Variants in WWOX observed in about 807,000 individuals in gnomAD.
The protein encoded by WWOX is WW domain-containing oxidoreductase.
Under a neutral mutation model 46.2 loss-of-function variants are expected in WWOX, and 69 were observed. The ratio of observed to expected loss-of-function variants is 1.49; its 90% CI spans 1.23 to 1.82. The LOEUF is 1.82. WWOX is among the 40% of genes most tolerant of loss of function. WWOX has a pLI of 0.00. For synonymous variants in WWOX, 359 were observed against 202.6 expected (o/e 1.77, Z -6.56); for missense variants, 919 against 542.6 (o/e 1.69, Z -6.89).
intron 8 of WWOX, among the ~76,000 whole-genome samples, chr16:78,818,462 G>A (rs1207513470): frequency 6.6e-6 from 1 of 152,236 alleles, no homozygotes; most frequent in Non-Finnish European, 1.5e-5. Flanking sequence ...TGGGTGCAGA[G>A]GCTCATGCCT....
At position 78,386,965 on chromosome 16, in the gene WWOX, A is replaced by T. The variant is rs757657426; in HGVS notation, c.605+17A>T. The stretch of plus-strand genomic sequence containing the variant: ...CAAGAATGTGTGAGTGTTCCAGTGG[A>T]GGGTTATAGATCATAATTTCTTGCT... On this transcript the variant is annotated intron_variant, in intron 6 of 8. Transcript: ENST00000566780. 3 of 1,606,840 alleles carry T rather than the reference A, an allele frequency of 1.9e-6. No homozygotes were observed. In the African/African-American group the frequency reaches 4.0e-5, roughly 21 times the overall value.
intron 5 of WWOX, among the ~76,000 whole-genome samples, chr16:78,328,017 G>A (rs915708010): frequency 2.0e-5 from 3 of 151,594 alleles, no homozygotes; most frequent in Admixed American, 6.6e-5. Context: ...CTTGGATTAT[G>A]GGTTTGTACC....
chr16:78,977,130 C>T (rs1474903976), intron 8 of WWOX, among the ~76,000 whole-genome samples: 4 of 152,194 alleles, frequency 2.6e-5, no homozygotes, highest in Admixed American at 2.6e-4. Flanking sequence ...TTCCTCTTTA[C>T]TCCCATATGT....
rs180831679 is a variant in WWOX, at chr16:79,005,326, A to G, written c.1057-206282A>G. 2.4e-3 allele frequency among the ~76,000 whole-genome samples: 364 copies of G among 152,230 alleles called. 2 individuals are homozygous for G. The highest frequency in any genetic ancestry group is 8.4e-3 in the African/African-American group (347 of 41,534). Reference sequence around the variant, plus strand: ...ATGCAACACACAGTTTCCTAGAATCATTTACTCCCCAGGCTAAGCACAGTC... The same window carrying G: ...ATGCAACACACAGTTTCCTAGAATCGTTTACTCCCCAGGCTAAGCACAGTC... On this transcript the variant is annotated intron_variant, in intron 8 of 8. Coordinates refer to ENST00000566780, the MANE Select transcript of WWOX (RefSeq NM_016373.4).
intron 8 of WWOX, among the ~76,000 whole-genome samples, chr16:79,050,242 G>C (rs1192540212): frequency 6.6e-6 from 1 of 152,178 alleles, no homozygotes; most frequent in Non-Finnish European, 1.5e-5. Context: ...GCTTCCCCCT[G>C]TGTCTGTGGG....
chr16:78,988,293 A>C (rs921215988), intron 8 of WWOX, among the ~76,000 whole-genome samples: 1 of 151,684 alleles, frequency 6.6e-6, no homozygotes, highest in Non-Finnish European at 1.5e-5. Flanking sequence ...GCAGTGAGCC[A>C]AGATCACGCT....
intron 8 of WWOX, among the ~76,000 whole-genome samples, chr16:78,830,558 C>G (rs1014767593): frequency 2.6e-5 from 4 of 152,126 alleles, no homozygotes; most frequent in African/African-American, 9.6e-5. Context: ...TTCCCAGCAT[C>G]TTCTTTCACC....
At chr16:79,204,244 A>T in intron 8 of WWOX, 1 of 152,160 alleles carries the variant, frequency 6.6e-6, no homozygotes, top group Middle Eastern at 3.2e-3. Context: ...TCTTCCATGG[A>T]TATAAGACAT....
intron 8 of WWOX, among the ~76,000 whole-genome samples, chr16:78,930,170 C>G (rs1425177889): frequency 6.6e-6 from 1 of 151,460 alleles, no homozygotes; most frequent in Non-Finnish European, 1.5e-5. Context: ...GAACTTGGGT[C>G]CTGAAAATTA....
Position 78,957,653 on chromosome 16 carries a change from T to A in WWOX, c.1057-253955T>A, listed in dbSNP as rs556743732. ...CTATCTCTAAAAACTACAGATTCTA[T>A]CTCTAAAAACTTAAGTCAAGGGATT... is the stretch of plus-strand genomic sequence containing the variant. On this transcript the variant is annotated intron_variant, in intron 8 of 8. Coordinates refer to ENST00000566780, the MANE Select transcript of WWOX (RefSeq NM_016373.4). Among the ~76,000 whole-genome samples, 11 of 152,310 alleles carry A rather than the reference T, an allele frequency of 7.2e-5. No homozygotes were observed. In the East Asian group the frequency reaches 1.9e-3, roughly 27 times the overall value.
chr16:78,554,374 G>A (rs1483989543), intron 8 of WWOX, among the ~76,000 whole-genome samples: 1 of 152,200 alleles, frequency 6.6e-6, no homozygotes, highest in African/African-American at 2.4e-5. Flanking sequence ...ACCAAGGTCT[G>A]ATCGTGAAAA....
chr16:78,281,056 C>T (rs12446496), intron 5 of WWOX: 110,333 of 152,162 alleles, frequency 0.73, 41,650 homozygotes, highest in East Asian at 1. Context: ...ATAAATAGAA[C>T]GATATCCTTC....
chr16:79,055,408 G>A (rs1286202000), intron 8 of WWOX, among the ~76,000 whole-genome samples: 5 of 152,116 alleles, frequency 3.3e-5, no homozygotes, highest in African/African-American at 9.7e-5. Flanking sequence ...ATGTGGCTGA[G>A]TGGCCGTGTA....
In WWOX at chr16:79,211,115, G is replaced by C. The variant is rs540056959; in HGVS notation, c.1057-493G>C. 4.0e-5 allele frequency among the ~76,000 whole-genome samples: 6 copies of C among 151,698 alleles called. 1 individual carries two copies. The highest frequency in any genetic ancestry group is 6.3e-3 in the Middle Eastern group (2 of 316). ...TTCCCCTAGCAGCACCGTGGGCAAA[G>C]CATAAAGGGATGATCTGGCAGCAGC... is the stretch of plus-strand genomic sequence containing the variant. On this transcript the variant is annotated intron_variant, in intron 8 of 8. Coordinates refer to ENST00000566780, the MANE Select transcript of WWOX (RefSeq NM_016373.4).
At chr16:78,531,455 C>T (rs1019520320) in intron 8 of WWOX, among the ~76,000 whole-genome samples, 1 of 152,144 alleles carries the variant, frequency 6.6e-6, no homozygotes, top group African/African-American at 2.4e-5. Context: ...CTCTCTAATA[C>T]TTTATTATGT....
rs79466665 is a variant in WWOX, at chr16:78,879,168, G to C, written c.1057-332440G>C. On this transcript the variant is annotated intron_variant, in intron 8 of 8. Coordinates refer to ENST00000566780, the MANE Select transcript of WWOX (RefSeq NM_016373.4). ...CGCAGATAAGAAAATCGAAGTTGAG[G>C]GCAAGGAGCTCATCTTTCACGGTCA... Among the ~76,000 whole-genome samples the C allele has an allele frequency of 0.013, 1,947 of 152,196 alleles. 88 individuals are homozygous for C. In the East Asian group the frequency reaches 0.17, roughly 13 times the overall value.
chr16:78,435,412 A>G (rs1450125552), intron 8 of WWOX, among the ~76,000 whole-genome samples: 3 of 152,218 alleles, frequency 2.0e-5, no homozygotes, highest in Non-Finnish European at 2.9e-5. Flanking sequence ...CTCAATGCCT[A>G]TAGCAAGGCA....
intron 8 of WWOX, among the ~76,000 whole-genome samples, chr16:78,709,074 A>T (rs1435526315): frequency 1.3e-5 from 2 of 152,138 alleles, no homozygotes; most frequent in Non-Finnish European, 2.9e-5. Flanking sequence ...GACATCATTC[A>T]TCTGAAAGGT....
At chr16:79,043,001 C>A (rs9930618) in intron 8 of WWOX, among the ~76,000 whole-genome samples, 1 of 152,030 alleles carries the variant, frequency 6.6e-6, no homozygotes, top group Non-Finnish European at 1.5e-5. Flanking sequence ...TTGGTCTTGT[C>A]TTTGAGCTTT....
Sources: gnomAD v4.1 joint callset for allele counts (sites outside exome capture counted in the v4.1 genomes callset) on GRCh38, gnomAD v4.1.1 for gene constraint, MANE v1.5 for transcripts, NCBI Gene and HGNC (gene_info 2026-07-23, HGNC 2026-07-21) for gene names.